Variants in JAK1 observed in about 807,000 individuals in gnomAD.
The protein encoded by JAK1 is Janus kinase 1, also known as tyrosine-protein kinase JAK1.
In JAK1, 16 loss-of-function variants were observed where a neutral mutation model predicts 136.6. The observed-to-expected ratio is 0.12, with a 90% CI of 0.08 to 0.18. The LOEUF is 0.18. Ranked by LOEUF, JAK1 falls within the 10% of genes least tolerant of loss-of-function variation. The pLI, the probability that JAK1 is intolerant of heterozygous loss-of-function variation, is 1.00. For missense variants in JAK1, 859 were observed against 1,450.1 expected (o/e 0.59, Z 6.62); for synonymous variants, 492 against 519.5 (o/e 0.95, Z 0.72).
intron 10 of JAK1, among the ~76,000 whole-genome samples, chr1:64,856,221 G>A (rs1393179767): frequency 6.6e-6 from 1 of 152,174 alleles, no homozygotes; most frequent in Non-Finnish European, 1.5e-5. Flanking sequence ...ACCCAGGTTT[G>A]GGACACTGTG....
At chr1:64,983,017 A>G (rs939232850) in intron 2 of JAK1, among the ~76,000 whole-genome samples, 1 of 152,176 alleles carries the variant, frequency 6.6e-6, no homozygotes, top group African/African-American at 2.4e-5. Flanking sequence ...CTCAACAACC[A>G]GAGGGAACAG....
At chr1:65,010,848 T>C (rs1646843058) in intron 2 of JAK1, among the ~76,000 whole-genome samples, 1 of 152,094 alleles carries the variant, frequency 6.6e-6, no homozygotes, top group South Asian at 2.1e-4. Flanking sequence ...GTGGCATGCC[T>C]GTAGTCCTAG....
At chr1:64,934,491 A>G (rs1360429551) in intron 1 of JAK1, among the ~76,000 whole-genome samples, 2 of 152,212 alleles carry the variant, frequency 1.3e-5, no homozygotes, top group Non-Finnish European at 2.9e-5. Flanking sequence ...AGAGCAGTAA[A>G]GAAAAACAAC....
intron 1 of JAK1, among the ~76,000 whole-genome samples, chr1:64,926,335 C>T (rs1645581349): frequency 6.6e-6 from 1 of 151,896 alleles, no homozygotes; most frequent in South Asian, 2.1e-4. Context: ...GTGACTCCTG[C>T]CCATTTTTCC....
intron 2 of JAK1, among the ~76,000 whole-genome samples, chr1:65,018,924 C>T (rs570508085): frequency 1.3e-5 from 2 of 152,034 alleles, no homozygotes; most frequent in Admixed American, 6.6e-5. Context: ...GGCAGGAGAA[C>T]GGGGTGAACC....
chr1:64,906,594 C>T (rs971185), intron 1 of JAK1, among the ~76,000 whole-genome samples: 7,536 of 152,278 alleles, frequency 0.049, 312 homozygotes, highest in Admixed American at 0.14. Context: ...CACGATTTCT[C>T]GCCACCTACA....
chr1:64,951,446 C>T (rs1368416647), intron 1 of JAK1, among the ~76,000 whole-genome samples: 1 of 152,076 alleles, frequency 6.6e-6, no homozygotes, highest in Non-Finnish European at 1.5e-5. Context: ...TCACAGGGTT[C>T]CTACTACGTG....
At chr1:65,021,186 T>A (rs1371554944) in intron 2 of JAK1, among the ~76,000 whole-genome samples, 1 of 152,064 alleles carries the variant, frequency 6.6e-6, no homozygotes, top group Non-Finnish European at 1.5e-5. Flanking sequence ...AAAGAGTAGA[T>A]CCGAAGTGAT....
chr1:64,977,668 T>C (rs57874230), intron 2 of JAK1, among the ~76,000 whole-genome samples: 213 of 119,990 alleles, frequency 1.8e-3, no homozygotes, highest in African/African-American at 6.5e-3. Context: ...CCTGACCTCA[T>C]GATCTACACG....
At chr1:64,932,396 A>T (rs1645713584) in intron 1 of JAK1, among the ~76,000 whole-genome samples, 1 of 152,174 alleles carries the variant, frequency 6.6e-6, no homozygotes. Context: ...CTGGCGACAG[A>T]GCGAGACTCT....
At chr1:64,862,441 G>A (rs1394461659) in intron 8 of JAK1, among the ~76,000 whole-genome samples, 1 of 152,232 alleles carries the variant, frequency 6.6e-6, no homozygotes, top group Admixed American at 6.5e-5. Flanking sequence ...AGAATAGGAA[G>A]TACCTGACAC....
intron 17 of JAK1, among the ~76,000 whole-genome samples, chr1:64,842,945 G>A (rs999100068): frequency 2.6e-5 from 4 of 151,940 alleles, no homozygotes; most frequent in East Asian, 1.9e-4. Flanking sequence ...TGCCATTTCC[G>A]GACATGGGGC....
intron 1 of JAK1, among the ~76,000 whole-genome samples, chr1:64,916,655 T>G (rs1425252331): frequency 6.6e-6 from 1 of 151,952 alleles, no homozygotes; most frequent in Non-Finnish European, 1.5e-5. Context: ...CTGACCAACA[T>G]AGTGAAACCC....
At chr1:64,970,623 G>C (rs1646442999), upstream of JAK1, among the ~76,000 whole-genome samples, 1 of 151,882 alleles carries the variant, frequency 6.6e-6, no homozygotes, top group African/African-American at 2.4e-5. Context: ...AATTAGCCAG[G>C]CGTGGTGGCA....
chr1:64,991,235 A>G (rs1244447085), intron 2 of JAK1: 11 of 152,214 alleles, frequency 7.2e-5, no homozygotes, highest in Non-Finnish European at 1.6e-4. Context: ...TTAGTTTGCT[A>G]GGGCTACCAT....
At chr1:65,041,740 T>A (rs1647135823) in intron 2 of JAK1, among the ~76,000 whole-genome samples, 1 of 152,100 alleles carries the variant, frequency 6.6e-6, no homozygotes. Context: ...CAACCAGCCA[T>A]GGATCAAAAA....
rs1655103987 is a variant in JAK1, at chr1:64,844,553, G to C, written c.2251+201C>G. Among the ~76,000 whole-genome samples the C allele has an allele frequency of 6.6e-6, 1 of 152,196 alleles. No homozygotes were observed. Among genetic ancestry groups the C allele is most frequent in the Non-Finnish European group, 1.5e-5 (1 of 68,040 alleles). On this transcript the variant is annotated intron_variant, in intron 16 of 24. Coordinates refer to ENST00000342505, the MANE Select transcript of JAK1 (RefSeq NM_002227.4). The surrounding 1 kb of genome is among the most constrained non-coding windows in gnomAD (Gnocchi z 5.7). ...GTGGGGGCCATCACCCAGGGCAGGAGGACGAACGGGGGCTCGTTCAAGGAC... is the reference window on the plus strand; with the variant it reads ...GTGGGGGCCATCACCCAGGGCAGGACGACGAACGGGGGCTCGTTCAAGGAC...
chr1:64,965,825 T>C (rs1646363990), intron 1 of JAK1, among the ~76,000 whole-genome samples: 1 of 151,476 alleles, frequency 6.6e-6, no homozygotes, highest in Non-Finnish European at 1.5e-5. Context: ...CCAGAAACTT[T>C]CCCTCGCTGA....
At chr1:64,886,067 C>G (rs1644847922) in intron 2 of JAK1, among the ~76,000 whole-genome samples, 192 bp downstream of exon 2, 1 of 152,150 alleles carries the variant, frequency 6.6e-6, no homozygotes, top group South Asian at 2.1e-4. Flanking sequence ...AACTTTTACT[C>G]TGTACCTCCT....
Sources: gnomAD v4.1 joint callset for allele counts (sites outside exome capture counted in the v4.1 genomes callset) on GRCh38, gnomAD v4.1.1 for gene constraint, Gnocchi (gnomAD v3.1) non-coding constraint, MANE v1.5 for transcripts, NCBI Gene and HGNC (gene_info 2026-07-23, HGNC 2026-07-21) for gene names.